EXOSC10: variants seen among roughly 807,000 people sequenced by gnomAD.
EXOSC10 encodes exosome complex component 10.
EXOSC10 carries 94 observed loss-of-function variants against 126.6 expected under a neutral mutation model. The observed-to-expected ratio is 0.74, with a 90% CI of 0.63 to 0.88. The LOEUF (loss-of-function observed/expected upper bound fraction) is 0.88. Ranked by LOEUF, EXOSC10 falls within the 40% of genes least tolerant of loss-of-function variation. The pLI is 0.00. For missense variants in EXOSC10, 1,041 were observed against 1,100.5 expected, an observed-to-expected ratio of 0.95 and a Z score of 0.77; for synonymous variants, 395 against 400.8, an observed-to-expected ratio of 0.99 and a Z score of 0.17.
chr1:11,071,205 T>G, intron 20 of EXOSC10: 1 of 523,162 alleles, frequency 1.9e-6, no homozygotes, highest in African/African-American at 1.9e-5. Context: ...CCCTGCCTGC[T>G]CCTCTTCTGT....
chr1:11,069,762 C>A (rs761392094), intron 21 of EXOSC10, 32 bp from the exon 22 acceptor site: 2 of 1,608,992 alleles, frequency 1.2e-6, no homozygotes, highest in East Asian at 2.2e-5. Context: ...GGGGGAGGAA[C>A]AGGGAGGCAC....
At position 11,090,961 on chromosome 1, in the gene EXOSC10, T is replaced by C; in HGVS notation, c.643+53A>G. On this transcript the variant is annotated intron_variant, in intron 5 of 24. Transcript: ENST00000376936. ...GAGAGACCTGTACACCCTTCCTGGT[T>C]TTTGCATCAAATAAAGTGAGACTCA... The C allele has an allele frequency of 9.5e-6, 15 of 1,580,904 alleles. No individual in the cohort carries two copies. The South Asian group carries it at 1.7e-4, about 18-fold the overall frequency.
At chr1:11,074,119 G>A in intron 18 of EXOSC10, 111 bp from the exon 19 acceptor site, 1 of 1,380,688 alleles carries the variant, frequency 7.2e-7, no homozygotes, top group Non-Finnish European at 1.0e-6. Flanking sequence ...TCTTTGCCAG[G>A]ACACCAGGGC....
rs777048175 is a variant in EXOSC10, at chr1:11,098,031, C to G, written c.237G>C (p.Arg79Ser). ...AGTACAGTACTTACCACTGAAGCAA[C>G]CTGTCTCCCTGTGTTTCGCAAAATG... ...FQAFCETQGD[R>S]LLQCMSRVMQ... Residue 79 changes from arginine (R) to serine (S), a missense_variant, in exon 2 of 25, where the codon AGG becomes AGC. This residue lies in a region of EXOSC10 where 645 missense variants were observed against 656.3 expected (regional missense o/e 0.98). Transcript: ENST00000376936. 6.2e-7 allele frequency: 1 copy of G among 1,609,022 alleles called. No individual in the cohort carries two copies. The highest frequency in any genetic ancestry group is 8.5e-7 in the Non-Finnish European group (1 of 1,178,414).
rs747499447 is a variant in EXOSC10 at position 11,087,528 on chromosome 1, C to G, written c.1009G>C (p.Asp337His). The G allele has an allele frequency of 6.2e-7, 1 of 1,614,080 alleles. No homozygotes were observed. The highest frequency in any genetic ancestry group is 1.1e-5 in the South Asian group (1 of 91,080). Residue 337 changes from aspartate to histidine, a missense_variant, in exon 9 of 25, where the codon GAC becomes CAC. Coordinates refer to ENST00000376936, the MANE Select transcript of EXOSC10 (RefSeq NM_001001998.3). ...CLMQISTRTE[D>H]FIIDTLELRS... ...AGCTCGAGGGTGTCAATGATGAAGT[C>G]TTCCGTCCGAGTAGAAATTTGCATC...
rs200564604 is a variant in EXOSC10, at chr1:11,070,881, G to A, written c.2316+19C>T. On this transcript the variant is annotated intron_variant, in intron 21 of 24. Transcript: ENST00000376936. ...GGGCATCGTTTTTCAAAGGAAAAAG[G>A]AGAAAAGCTGGCACATACCACGACC... is the stretch of plus-strand genomic sequence containing the variant. 335 of 1,610,064 alleles carry A rather than the reference G, an allele frequency of 2.1e-4. No individual in the cohort carries two copies. The highest frequency in any genetic ancestry group is 4.2e-4 in the Admixed American group (25 of 59,456).
intron 24 of EXOSC10, among the ~76,000 whole-genome samples, chr1:11,067,248 G>A (rs921518961): frequency 6.6e-6 from 1 of 152,106 alleles, no homozygotes; most frequent in Non-Finnish European, 1.5e-5. Context: ...TGGCTAACAT[G>A]GTGAAACCCC....
chr1:11,089,616 C>T (rs1336174272), intron 6 of EXOSC10, among the ~76,000 whole-genome samples: 4 of 145,202 alleles, frequency 2.8e-5, no homozygotes, highest in Non-Finnish European at 6.0e-5. Flanking sequence ...AGCGAAACTC[C>T]GTCCCAAAAA....
intron 21 of EXOSC10, 106 bp from the exon 22 acceptor site, chr1:11,069,836 A>G: frequency 8.2e-7 from 1 of 1,214,594 alleles, no homozygotes; most frequent in East Asian, 2.3e-5. Flanking sequence ...AGTGGTAAGA[A>G]GAACAGTCAG....
At chr1:11,092,240 CAG>C (rs761004739) in intron 3 of EXOSC10, among the ~76,000 whole-genome samples, 103 of 152,168 alleles carry the variant, frequency 6.8e-4, no homozygotes, top group Middle Eastern at 3.4e-3. Flanking sequence ...TTTTTTGAGA[CAG>C]AGTCTTGCTC....
intron 9 of EXOSC10, among the ~76,000 whole-genome samples, chr1:11,085,529 A>G (rs1382431075): frequency 5.9e-5 from 9 of 152,256 alleles, no homozygotes; most frequent in Middle Eastern, 3.4e-3. Context: ...GGCTGAGACA[A>G]TGGGGTTTTC....
At chr1:11,084,090 G>A (rs1437179185) in intron 9 of EXOSC10, among the ~76,000 whole-genome samples, 2 of 152,148 alleles carry the variant, frequency 1.3e-5, no homozygotes, top group Non-Finnish European at 2.9e-5. Context: ...ATAAACATAT[G>A]TGTGCATGTG....
At chr1:11,099,342 A>G (rs1003273091) in intron 1 of EXOSC10, among the ~76,000 whole-genome samples, 5 of 152,190 alleles carry the variant, frequency 3.3e-5, no homozygotes, top group Non-Finnish European at 5.9e-5. Context: ...GCGGGAGGAG[A>G]CAACTCCAGG....
At chr1:11,066,791 T>C (rs41274502) in intron 24 of EXOSC10, 43 bp from the exon 25 acceptor site, 60,321 of 1,608,670 alleles carry the variant, frequency 0.037, 2,119 homozygotes, top group East Asian at 0.14. Context: ...TCCGGGCTGG[T>C]TGGATGTTCT....
At chr1:11,075,558 T>G (rs1232698919) in intron 17 of EXOSC10, among the ~76,000 whole-genome samples, 1 of 152,148 alleles carries the variant, frequency 6.6e-6, no homozygotes, top group East Asian at 1.9e-4. Flanking sequence ...TGACTCAAAT[T>G]AGCTCTGAGG....
At chr1:11,097,069 G>T (rs185466538) in intron 2 of EXOSC10, among the ~76,000 whole-genome samples, 20 of 152,216 alleles carry the variant, frequency 1.3e-4, no homozygotes, top group Non-Finnish European at 2.4e-4. Context: ...AATTAGCCGG[G>T]AATGGTCGTA....
Position 11,072,142 on chromosome 1 carries a change from T to A in EXOSC10, c.2187A>T (p.Val729=). 1 of 1,613,876 alleles carries A rather than the reference T, an allele frequency of 6.2e-7. No homozygotes were observed. The highest frequency in any genetic ancestry group is 8.5e-7 in the Non-Finnish European group (1 of 1,179,914). The change falls in exon 20 of 25, where the codon GTA becomes GTT. Residue 729 remains valine, a synonymous_variant. Transcript: ENST00000376936. The part of the protein sequence containing the change: ...EISNRWKLAQ[V]QVQKDSKEAV... ...CTTCTTTAGAGTCTTTTTGTACTTGTACCTGGGCCAGCTTCCAGCGGTTGC... is the reference window on the plus strand; with the variant it reads ...CTTCTTTAGAGTCTTTTTGTACTTGAACCTGGGCCAGCTTCCAGCGGTTGC...
In EXOSC10 at chr1:11,091,305, T is replaced by C; in HGVS notation, c.478-126A>G. The C allele has an allele frequency of 2.9e-6, 3 of 1,047,706 alleles. 1 individual carries two copies. The South Asian group carries it at 4.7e-5, about 16-fold the overall frequency. 64.9% of individuals were successfully genotyped at this position (1,047,706 alleles called of 1,614,324 possible). On this transcript the variant is annotated intron_variant, in intron 4 of 24. Transcript: ENST00000376936. The stretch of plus-strand genomic sequence containing the variant: ...GGTCATTCATTCATTTAAGAATGTA[T>C]GTGCATGTAGAGGTCTCCAGAAAGA...
chr1:11,074,320 T>G lies in EXOSC10; in HGVS notation c.1993A>C (p.Ser665Arg). ...TAVITLFNEP[S>R]AEDSKKGPLT... ...GGACCCTTTTTACTGTCTTCAGCAC[T>G]AGGTTCCTGCAGGGACAGACAAAAA... The change falls in exon 18 of 25, where the codon AGT becomes CGT. Residue 665 changes from serine to arginine, a missense_variant. Physicochemically the swap from Ser to Arg is moderately radical, Grantham distance 110. Transcript: ENST00000376936. 1 of 1,613,380 alleles carries G rather than the reference T, an allele frequency of 6.2e-7. No individual in the cohort carries two copies. The highest frequency in any genetic ancestry group is 8.5e-7 in the Non-Finnish European group (1 of 1,179,334).
Sources: gnomAD v4.1 joint callset for allele counts (sites outside exome capture counted in the v4.1 genomes callset) on GRCh38, gnomAD v4.1.1 for gene constraint, gnomAD v4.1.1 regional missense constraint, MANE v1.5 for transcripts, NCBI Gene and HGNC (gene_info 2026-07-23, HGNC 2026-07-21) for gene names.